SPON1: variants seen among roughly 807,000 people sequenced by gnomAD.
The protein encoded by SPON1 is spondin-1.
SPON1 carries 52 observed loss-of-function variants against 111.7 expected under a neutral mutation model. The observed-to-expected ratio is 0.47, with a 90% CI of 0.37 to 0.59. The LOEUF (loss-of-function observed/expected upper bound fraction) is 0.59. SPON1 is among the 20% of genes least tolerant of loss of function. The pLI is 0.00. For synonymous variants in SPON1, 410 were observed against 395.8 expected (o/e 1.04, Z -0.43); for missense variants, 957 against 1,068.5 (o/e 0.90, Z 1.46).
intron 2 of SPON1, among the ~76,000 whole-genome samples, chr11:14,026,163 T>C (rs1454453190): frequency 6.6e-6 from 1 of 152,220 alleles, no homozygotes; most frequent in African/African-American, 2.4e-5. Flanking sequence ...ATTTGATCAG[T>C]GTATTCCCCC....
At chr11:13,974,758 G>A (rs560342246) in intron 1 of SPON1, among the ~76,000 whole-genome samples, 49 of 152,202 alleles carry the variant, frequency 3.2e-4, no homozygotes, top group African/African-American at 1.2e-3. Flanking sequence ...ATGTCCTAGC[G>A]CAAGCCCTTC....
chr11:14,005,158 G>A (rs1370791614), intron 2 of SPON1, among the ~76,000 whole-genome samples: 1 of 152,198 alleles, frequency 6.6e-6, no homozygotes, highest in Non-Finnish European at 1.5e-5. Context: ...AAAGGCCAAT[G>A]TTGAGGAGGT....
intron 6 of SPON1, among the ~76,000 whole-genome samples, chr11:14,144,601 G>A (rs938744272): frequency 1.3e-5 from 2 of 150,604 alleles, no homozygotes; most frequent in African/African-American, 4.9e-5. Flanking sequence ...CTGCACTCTA[G>A]CCTGGGTGAC....
At chr11:14,084,922 T>C (rs1848993403) in intron 5 of SPON1, among the ~76,000 whole-genome samples, 1 of 152,244 alleles carries the variant, frequency 6.6e-6, no homozygotes, top group South Asian at 2.1e-4. Context: ...TTTTTTCATA[T>C]GTTTGTTGGC....
rs117417970 is a variant in SPON1 at position 14,090,295 on chromosome 11, G to A, written c.676+10274G>A. Among the ~76,000 whole-genome samples the A allele has an allele frequency of 5.4e-3, 822 of 152,092 alleles. 2 individuals are homozygous for A. Among genetic ancestry groups the A allele is most frequent in the Middle Eastern group, 0.017 (5 of 292 alleles). ...GAAAGCCAGGGCCCTGGACGTGTAG[G>A]CACACAAGGGAATCTCTTGGTCTGC... On this transcript the variant is annotated intron_variant, in intron 5 of 15. Coordinates refer to ENST00000576479, the MANE Select transcript of SPON1 (RefSeq NM_006108.4).
intron 6 of SPON1, among the ~76,000 whole-genome samples, chr11:14,229,623 G>C (rs1848774186): frequency 6.6e-6 from 1 of 152,164 alleles, no homozygotes. Flanking sequence ...AGCTCCACAA[G>C]GGCAGTCTGT....
intron 6 of SPON1, among the ~76,000 whole-genome samples, chr11:14,141,693 G>T (rs990978959): frequency 1.3e-5 from 2 of 152,138 alleles, no homozygotes; most frequent in African/African-American, 2.4e-5. Context: ...TGGAAGAAAA[G>T]GTTTGAGAAT....
Position 13,962,890 on chromosome 11 carries a change from T to C in SPON1, c.-15T>C. 6.7e-7 allele frequency: 1 copy of C among 1,492,866 alleles called. No individual in the cohort carries two copies. The highest frequency in any genetic ancestry group is 8.9e-7 in the Non-Finnish European group (1 of 1,126,378). 92.5% of individuals were successfully genotyped at this position (1,492,866 alleles called of 1,614,324 possible). A position where few individuals can be genotyped will look rare whatever the true frequency, so the allele number is the denominator to read the frequency against. On this transcript the variant is annotated 5_prime_UTR_variant, in exon 1 of 16. Transcript: ENST00000576479. The stretch of plus-strand genomic sequence containing the variant: ...GAAGGCCTGCGGCCGCGGCACAAAG[T>C]TGGGGGCCGCGAAGATGAGGCTGTC...
At chr11:14,090,869 G>C (rs1849049136) in intron 5 of SPON1, among the ~76,000 whole-genome samples, 1 of 117,704 alleles carries the variant, frequency 8.5e-6, no homozygotes, top group African/African-American at 3.5e-5. Flanking sequence ...GATTGGTAGA[G>C]CCCAGTAGCC....
At chr11:14,030,979 G>T (rs987938577) in intron 2 of SPON1, among the ~76,000 whole-genome samples, 1 of 152,198 alleles carries the variant, frequency 6.6e-6, no homozygotes. Context: ...TGGTGAACTG[G>T]ATAAAGAAAA....
rs1849291628 is a variant in SPON1 at position 14,268,008 on chromosome 11, T to A, written c.*2321T>A. On this transcript the variant is annotated 3_prime_UTR_variant, in exon 16 of 16. Coordinates refer to ENST00000576479, the MANE Select transcript of SPON1 (RefSeq NM_006108.4). ...AGAGATTTCCCAACCAGACATTGGG[T>A]CACTCACTGGTCACCTTGCCAGTGC... 6.6e-6 allele frequency: 1 copy of A among 152,180 alleles called. No homozygotes were observed. The highest frequency in any genetic ancestry group is 2.1e-4 in the South Asian group (1 of 4,828). The allele number at this position is 152,180 out of a possible 1,614,324, so 9.4% of individuals were successfully genotyped here. A position where few individuals can be genotyped will look rare whatever the true frequency, so the allele number is the denominator to read the frequency against.
intron 6 of SPON1, among the ~76,000 whole-genome samples, chr11:14,139,251 A>G (rs1404796247): frequency 6.6e-6 from 1 of 152,198 alleles, no homozygotes; most frequent in Non-Finnish European, 1.5e-5. Context: ...TCTCAGCCAG[A>G]CATCTTCCAG....
intron 2 of SPON1, among the ~76,000 whole-genome samples, chr11:14,008,740 T>C (rs991509159): frequency 6.6e-6 from 1 of 152,188 alleles, no homozygotes; most frequent in Non-Finnish European, 1.5e-5. Flanking sequence ...GAACCTTAAA[T>C]GGCCAATCAC....
chr11:14,107,255 T>C (rs1347946792), intron 5 of SPON1, among the ~76,000 whole-genome samples: 15 of 152,150 alleles, frequency 9.9e-5, no homozygotes, highest in Non-Finnish European at 2.9e-5. Flanking sequence ...TTGCATTTGC[T>C]TTGTTGCACA....
In SPON1 at chr11:14,260,640, G is replaced by C. The variant is rs1394048340; in HGVS notation, c.1884G>C (p.Val628=). ...GGTCCGAGTGGAGTGACTGCAGCGT[G>C]ACCTGCGGGAAGGGCATGCGAACCC... ...SPWSEWSDCS[V]TCGKGMRTRQ... Residue 628 remains valine, a synonymous_variant, in exon 14 of 16, where the codon GTG becomes GTC. Coordinates refer to ENST00000576479, the MANE Select transcript of SPON1 (RefSeq NM_006108.4). The C allele has an allele frequency of 1.9e-6, 3 of 1,613,976 alleles. No individual in the cohort carries two copies. Among genetic ancestry groups the C allele is most frequent in the Non-Finnish European group, 2.5e-6 (3 of 1,179,894 alleles).
chr11:14,259,779 C>G lies in SPON1; in HGVS notation c.1831+78C>G, dbSNP rs1849152654. ...GGGCCATGGCATCCACTATTACCAC[C>G]ATAAAGGTCGGAGGCTGAGCAGAGG... is the stretch of plus-strand genomic sequence containing the variant. On this transcript the variant is annotated intron_variant, in intron 13 of 15. Coordinates refer to ENST00000576479, the MANE Select transcript of SPON1 (RefSeq NM_006108.4). The surrounding 1 kb of genome is among the most constrained non-coding windows in gnomAD (Gnocchi z 5.0). 3.4e-6 allele frequency: 5 copies of G among 1,453,766 alleles called. No homozygotes were observed. In the Admixed American group the frequency reaches 8.6e-5, roughly 25 times the overall value. 90.1% of individuals were successfully genotyped at this position (1,453,766 alleles called of 1,614,324 possible). A position where few individuals can be genotyped will look rare whatever the true frequency, so the allele number is the denominator to read the frequency against.
chr11:14,089,928 C>G (rs1849036463), intron 5 of SPON1, among the ~76,000 whole-genome samples: 1 of 152,194 alleles, frequency 6.6e-6, no homozygotes, highest in African/African-American at 2.4e-5. Context: ...GTCTGAACTT[C>G]CCAGCCTCCT....
chr11:14,029,075 G>A (rs1284970629), intron 2 of SPON1, among the ~76,000 whole-genome samples: 1 of 151,998 alleles, frequency 6.6e-6, no homozygotes, highest in African/African-American at 2.4e-5. Context: ...TGGAAGATGA[G>A]GCTTTCTATT....
At chr11:13,975,671 GC>G (rs1277106201) in intron 1 of SPON1, among the ~76,000 whole-genome samples, 1 of 152,162 alleles carries the variant, frequency 6.6e-6, no homozygotes, top group Non-Finnish European at 1.5e-5. Context: ...AGGAAGCCTT[GC>G]TTTATTATAA....
Sources: allele counts gnomAD v4.1 joint callset (sites outside exome capture counted in the v4.1 genomes callset), GRCh38; gene constraint gnomAD v4.1.1; non-coding constraint Gnocchi (gnomAD v3.1); transcripts MANE v1.5; gene names NCBI Gene and HGNC (gene_info 2026-07-23, HGNC 2026-07-21).